The following AGBL1 variants were observed in gnomAD, a reference collection of about 807,000 sequenced individuals.
The protein encoded by AGBL1 is AGBL carboxypeptidase 1.
AGBL1 carries 130 observed loss-of-function variants against 118.9 expected under a neutral mutation model. The ratio of observed to expected loss-of-function variants is 1.09; its 90% CI spans 0.95 to 1.26. The LOEUF is 1.26. Ranked by LOEUF, AGBL1 falls within the 50% of genes most tolerant of loss-of-function variation. The pLI is 0.00. For missense variants in AGBL1, 1,584 were observed against 1,298.1 expected, an observed-to-expected ratio of 1.22 and a Z score of -3.38; for synonymous variants, 555 against 478.9, an observed-to-expected ratio of 1.16 and a Z score of -2.08.
intron 6 of AGBL1, among the ~76,000 whole-genome samples, chr15:86,233,204 C>A (rs919860328): frequency 6.6e-6 from 1 of 152,166 alleles, no homozygotes; most frequent in African/African-American, 2.4e-5. Flanking sequence ...AGTCAGGAAA[C>A]TGGACTCTGG....
intron 22 of AGBL1, among the ~76,000 whole-genome samples, chr15:86,751,614 C>T (rs1467358491): frequency 2.0e-5 from 3 of 152,102 alleles, no homozygotes; most frequent in Non-Finnish European, 2.9e-5. Context: ...TGCTAAATTA[C>T]CCTCCAAGTC....
At chr15:86,809,860 C>T (rs1013241010) in intron 22 of AGBL1, among the ~76,000 whole-genome samples, 1 of 152,122 alleles carries the variant, frequency 6.6e-6, no homozygotes, top group Non-Finnish European at 1.5e-5. Context: ...AGCTCTGGAC[C>T]TGGCTTTGGG....
chr15:86,685,816 A>G (rs2086043789), intron 22 of AGBL1, among the ~76,000 whole-genome samples: 1 of 152,154 alleles, frequency 6.6e-6, no homozygotes, highest in South Asian at 2.1e-4. Context: ...ATTGCAAATG[A>G]TTCTGAAAAT....
intron 23 of AGBL1, among the ~76,000 whole-genome samples, chr15:86,964,629 A>G (rs1037907061): frequency 1.5e-4 from 23 of 151,530 alleles, no homozygotes; most frequent in Non-Finnish European, 3.2e-4. Flanking sequence ...TCTAAAAGAA[A>G]TAGAAATCTT....
chr15:86,577,807 T>C (rs1346687074), intron 21 of AGBL1, among the ~76,000 whole-genome samples: 1 of 148,316 alleles, frequency 6.7e-6, no homozygotes, highest in Admixed American at 6.8e-5. Context: ...CACGTGGTGT[T>C]GAGCCTGTGA....
At chr15:86,945,896 G>C (rs2080814770) in intron 23 of AGBL1, among the ~76,000 whole-genome samples, 1 of 152,142 alleles carries the variant, frequency 6.6e-6, no homozygotes, top group African/African-American at 2.4e-5. Context: ...CAGAGTCAAA[G>C]AATAATAATT....
At chr15:86,669,403 A>G (rs899442813) in intron 21 of AGBL1, among the ~76,000 whole-genome samples, 8 of 152,178 alleles carry the variant, frequency 5.3e-5, no homozygotes, top group Non-Finnish European at 1.2e-4. Flanking sequence ...ATAAGAAAGT[A>G]AGGTTAAGAG....
intron 18 of AGBL1, among the ~76,000 whole-genome samples, chr15:86,513,590 A>G (rs568796049): frequency 4.6e-5 from 7 of 151,990 alleles, no homozygotes; most frequent in Non-Finnish European, 7.4e-5. Flanking sequence ...AGTTTTACCC[A>G]CTAACTTTAG....
chr15:86,581,053 G>A (rs866346852), intron 21 of AGBL1, among the ~76,000 whole-genome samples: 1 of 152,112 alleles, frequency 6.6e-6, no homozygotes, highest in African/African-American at 2.4e-5. Context: ...CTTTGAATTA[G>A]TAGATGAGAG....
At chr15:86,555,372 G>A (rs557114315) in intron 21 of AGBL1, among the ~76,000 whole-genome samples, 3 of 152,294 alleles carry the variant, frequency 2.0e-5, no homozygotes, top group South Asian at 4.1e-4. Flanking sequence ...GAACAGCTAG[G>A]AAGCACTTGG....
At chr15:86,869,873 A>G (rs2079694652) in intron 22 of AGBL1, among the ~76,000 whole-genome samples, 1 of 152,154 alleles carries the variant, frequency 6.6e-6, no homozygotes, top group Non-Finnish European at 1.5e-5. Flanking sequence ...TCATTTTCCT[A>G]GGAAGCTTAT....
At chr15:86,432,553 T>C (rs753787441) in intron 18 of AGBL1, among the ~76,000 whole-genome samples, 2 of 152,222 alleles carry the variant, frequency 1.3e-5, no homozygotes, top group Non-Finnish European at 2.9e-5. Context: ...ATACGACTTA[T>C]CACTATTGAT....
intron 22 of AGBL1, among the ~76,000 whole-genome samples, chr15:86,789,478 A>G (rs183802041): frequency 6.6e-4 from 100 of 152,258 alleles, no homozygotes; most frequent in African/African-American, 2.3e-3. Flanking sequence ...AGATGATCCC[A>G]TTGAGGGGGA....
intron 1 of AGBL1, among the ~76,000 whole-genome samples, chr15:86,118,274 G>T (rs944087121): frequency 6.6e-6 from 1 of 152,132 alleles, no homozygotes; most frequent in Non-Finnish European, 1.5e-5. Context: ...AGTAAAGGCT[G>T]GCAGAGGAGA....
At chr15:86,718,647 C>T (rs767937066) in intron 22 of AGBL1, among the ~76,000 whole-genome samples, 8 of 151,904 alleles carry the variant, frequency 5.3e-5, no homozygotes, top group African/African-American at 1.2e-4. Flanking sequence ...TGGAGGCATC[C>T]GATGAGAAAG....
chr15:86,603,749 C>CA (rs1005184921), intron 21 of AGBL1, among the ~76,000 whole-genome samples: 19 of 151,776 alleles, frequency 1.3e-4, no homozygotes, highest in Non-Finnish European at 1.0e-4. Context: ...CTGAAAGTGC[C>CA]AAAAAAAATG....
rs557436595 is a variant in AGBL1 at position 86,617,949 on chromosome 15, T to C, written c.2995-56324T>C. Among the ~76,000 whole-genome samples, 9 of 152,318 alleles carry C rather than the reference T, an allele frequency of 5.9e-5. No homozygotes were observed. In the South Asian group the frequency reaches 1.9e-3, roughly 32 times the overall value. On this transcript the variant is annotated intron_variant, in intron 21 of 22. Transcript: ENST00000614907. ...TGCAATATTAGTGGAATAATATTAA[T>C]TGAGGACTTCCTATGGGTAAAATAT...
At chr15:86,355,081 A>C (rs1304808111) in intron 17 of AGBL1, among the ~76,000 whole-genome samples, 1 of 152,194 alleles carries the variant, frequency 6.6e-6, no homozygotes, top group Non-Finnish European at 1.5e-5. Flanking sequence ...CTAGCCTCCA[A>C]ATAAGAGCCC....
chr15:86,513,127 A>G (rs899921045), intron 18 of AGBL1, among the ~76,000 whole-genome samples: 1 of 152,018 alleles, frequency 6.6e-6, no homozygotes, highest in African/African-American at 2.4e-5. Flanking sequence ...AGTATTAATT[A>G]CATACATTAT....
Sources: gnomAD v4.1 joint callset for allele counts (sites outside exome capture counted in the v4.1 genomes callset) on GRCh38, gnomAD v4.1.1 for gene constraint, MANE v1.5 for transcripts, NCBI Gene and HGNC (gene_info 2026-07-23, HGNC 2026-07-21) for gene names.